Variants in MLPH observed in about 807,000 individuals in gnomAD.
MLPH encodes the protein melanophilin.
Under a neutral mutation model 72.1 loss-of-function variants are expected in MLPH, and 51 were observed. The observed-to-expected ratio is 0.71, with a 90% confidence interval of 0.56 to 0.89. MLPH has a LOEUF of 0.89. MLPH is among the 40% of genes least tolerant of loss of function. MLPH has a pLI of 0.00. For synonymous variants in MLPH, 301 were observed against 310.1 expected (o/e 0.97, Z 0.31); for missense variants, 743 against 759.9 (o/e 0.98, Z 0.26).
chr2:237,538,107 G>A (rs1405462854), intron 9 of MLPH, among the ~76,000 whole-genome samples: 6 of 152,222 alleles, frequency 3.9e-5, no homozygotes, highest in South Asian at 2.1e-4. Context: ...TCCCAGCACC[G>A]GCTCCTGACG....
intron 12 of MLPH, 23 bp downstream of exon 12, chr2:237,542,682 T>TGGG: frequency 7.8e-7 from 1 of 1,274,338 alleles, no homozygotes; most frequent in Non-Finnish European, 1.1e-6. Context: ...CAGTGGTGAG[T>TGGG]GGAGACAGTG....
At chr2:237,534,953 G>A (rs1172984839) in intron 9 of MLPH, among the ~76,000 whole-genome samples, 1 of 152,168 alleles carries the variant, frequency 6.6e-6, no homozygotes, top group Non-Finnish European at 1.5e-5. Context: ...AAACTTGCTT[G>A]GCCCTACAGC....
At chr2:237,489,346 C>A (rs2079382986) in intron 1 of MLPH, among the ~76,000 whole-genome samples, 1 of 152,206 alleles carries the variant, frequency 6.6e-6, no homozygotes, top group Non-Finnish European at 1.5e-5. Flanking sequence ...GGCAGAACAC[C>A]CTCCCAGTGC....
Position 237,527,434 on chromosome 2 carries a change from C to T in MLPH, c.938C>T (p.Thr313Ile). Residue 313 changes from threonine (T) to isoleucine (I), a missense_variant, in exon 8 of 16, where the codon ACC becomes ATC. Physicochemically the swap from Thr to Ile is moderately conservative, Grantham distance 89. Coordinates refer to ENST00000264605, the MANE Select transcript of MLPH (RefSeq NM_024101.7). The stretch of plus-strand genomic sequence containing the variant: ...CTGCAGTACTTGGCCGATGTGGACA[C>T]CTCTGATGAGGAAAGCATCCGGGCT... ...LPLQYLADVD[T>I]SDEESIRAHV... 6 of 1,614,230 alleles carry T rather than the reference C, an allele frequency of 3.7e-6. No individual in the cohort carries two copies. The highest frequency in any genetic ancestry group is 5.1e-6 in the Non-Finnish European group (6 of 1,180,046).
intron 1 of MLPH, among the ~76,000 whole-genome samples, 164 bp downstream of exon 1, chr2:237,487,601 C>T (rs1244896003): frequency 1.3e-5 from 2 of 152,240 alleles, no homozygotes; most frequent in Non-Finnish European, 2.9e-5. Context: ...ACAGCGCGTT[C>T]CCAGCCACCC....
At chr2:237,525,854 C>A (rs1363536487) in intron 7 of MLPH, 49 bp downstream of exon 7, 1 of 1,569,372 alleles carries the variant, frequency 6.4e-7, no homozygotes, top group Non-Finnish European at 8.7e-7. Context: ...CATGGGGGAG[C>A]AGGTCACTGA....
At chr2:237,517,472 T>C (rs866812097) in intron 4 of MLPH, among the ~76,000 whole-genome samples, 4 of 151,130 alleles carry the variant, frequency 2.6e-5, no homozygotes, top group East Asian at 2.0e-4. Flanking sequence ...GATGGATAGA[T>C]AGATAAGTGG....
rs1482202651 is a variant in MLPH at position 237,554,024 on chromosome 2, C to T, written c.*432C>T. 29 of 338,698 alleles carry T rather than the reference C, an allele frequency of 8.6e-5. No individual in the cohort carries two copies. Among genetic ancestry groups the T allele is most frequent in the Middle Eastern group, 1.0e-3 (1 of 972 alleles). 21.0% of individuals were successfully genotyped at this position (338,698 alleles called of 1,614,324 possible). ...TATGTGTATTCTTGATGGTCTATAT[C>T]GGGGTGTGAGCAGATGTTTGCGTAT... On this transcript the variant is annotated 3_prime_UTR_variant, in exon 16 of 16. Coordinates refer to ENST00000264605, the MANE Select transcript of MLPH (RefSeq NM_024101.7).
intron 4 of MLPH, chr2:237,511,732 C>T (rs1276699156): frequency 1.3e-5 from 2 of 153,372 alleles, no homozygotes; most frequent in Middle Eastern, 3.4e-3. Context: ...TGTTGTAATT[C>T]AGTTGTTTTC....
intron 2 of MLPH, among the ~76,000 whole-genome samples, chr2:237,503,946 G>A (rs750247173): frequency 6.6e-6 from 1 of 152,170 alleles, no homozygotes; most frequent in African/African-American, 2.4e-5. Context: ...AGATGATCCC[G>A]GGTTCCCTGG....
intron 8 of MLPH, among the ~76,000 whole-genome samples, chr2:237,528,377 G>A (rs934392977): frequency 1.3e-5 from 2 of 150,248 alleles, no homozygotes; most frequent in Admixed American, 6.6e-5. Flanking sequence ...TTGAGATGGA[G>A]TCTCCCTCTG....
intron 4 of MLPH, chr2:237,511,498 G>T (rs1197109181): frequency 5.0e-6 from 1 of 199,524 alleles, no homozygotes; most frequent in East Asian, 1.3e-4. Context: ...TGCTGCTGAA[G>T]TTGCCAATAT....
intron 1 of MLPH, among the ~76,000 whole-genome samples, chr2:237,492,600 G>A (rs1269093333): frequency 6.6e-6 from 1 of 152,154 alleles, no homozygotes; most frequent in Non-Finnish European, 1.5e-5. Flanking sequence ...CCCCACAGCT[G>A]ACCTCTCGAG....
rs368534891 is a variant in MLPH, at chr2:237,542,528, G to A, written c.1447-39G>A. On this transcript the variant is annotated intron_variant, in intron 11 of 15. Coordinates refer to ENST00000264605, the MANE Select transcript of MLPH (RefSeq NM_024101.7). Reference sequence around the variant, plus strand: ...ATGACTTTGAGGCGGGATCTCGAGCGTCTGTCTGACGGGCCTTCTGTCTGC... The same window carrying A: ...ATGACTTTGAGGCGGGATCTCGAGCATCTGTCTGACGGGCCTTCTGTCTGC... 2.6e-4 allele frequency: 385 copies of A among 1,507,886 alleles called. 4 individuals are homozygous for A. The highest frequency in any genetic ancestry group is 1.9e-3 in the Middle Eastern group (11 of 5,888). 93.4% of individuals were successfully genotyped at this position (1,507,886 alleles called of 1,614,324 possible).
chr2:237,537,501 T>C (rs892739035), intron 9 of MLPH: 1 of 152,340 alleles, frequency 6.6e-6, no homozygotes, highest in South Asian at 2.1e-4. Flanking sequence ...GTTTACAGGC[T>C]GAACGTCATT....
chr2:237,545,744 G>A (rs2080905070), intron 12 of MLPH: 1 of 970,112 alleles, frequency 1.0e-6, no homozygotes, highest in Non-Finnish European at 1.3e-6. Flanking sequence ...ATGACCTTAG[G>A]AGAGTCCCAG....
At chr2:237,546,988 C>A (rs2080933918) in intron 13 of MLPH, among the ~76,000 whole-genome samples, 1 of 152,244 alleles carries the variant, frequency 6.6e-6, no homozygotes, top group South Asian at 2.1e-4. Context: ...CAAACCCACA[C>A]AGGCTGACTG....
chr2:237,503,824 T>TC (rs1177913411), intron 2 of MLPH, among the ~76,000 whole-genome samples: 7 of 151,612 alleles, frequency 4.6e-5, no homozygotes, highest in Non-Finnish European at 5.9e-5. Context: ...AGCAGAATAA[T>TC]CCCCCCCAAA....
rs572368339 is a variant in MLPH, at chr2:237,510,904, T to TGTGC, written c.333-82_333-81insCGTG. 1.1e-3 allele frequency: 1,324 copies of TGTGC among 1,239,918 alleles called. 9 individuals carry two copies. In the African/African-American group the frequency reaches 0.017, roughly 16 times the overall value. The allele number at this position is 1,239,918 out of a possible 1,614,324, so 76.8% of individuals were successfully genotyped here. A position where few individuals can be genotyped will look rare whatever the true frequency, so the allele number is the denominator to read the frequency against. On this transcript the variant is annotated intron_variant, in intron 3 of 15. Transcript: ENST00000264605. This position sits in a 1 kb window ranked among gnomAD's most constrained non-coding sequence, Gnocchi z 4.4. ...GGACGCACACATGCACACACTCGTGTGTGTGTGTGTGTGTGTGTGTGAGAT... is the reference window on the plus strand; with the variant it reads ...GGACGCACACATGCACACACTCGTGTGTGCGTGTGTGTGTGTGTGTGTGTGAGAT...
Sources: allele counts gnomAD v4.1 joint callset (sites outside exome capture counted in the v4.1 genomes callset), GRCh38; gene constraint gnomAD v4.1.1; non-coding constraint Gnocchi (gnomAD v3.1); transcripts MANE v1.5; gene names NCBI Gene and HGNC (gene_info 2026-07-23, HGNC 2026-07-21).